ARHGAP44: variants seen among roughly 807,000 people sequenced by gnomAD.
ARHGAP44 encodes Rho GTPase activating protein 44.
ARHGAP44 carries 43 observed loss-of-function variants against 106.8 expected under a neutral mutation model. That is an observed-to-expected ratio of 0.40 (90% CI 0.32 to 0.52). The LOEUF (loss-of-function observed/expected upper bound fraction) is 0.52, where lower values mean the gene tolerates loss of function less well. ARHGAP44 is among the 20% of genes least tolerant of loss of function. ARHGAP44 has a pLI of 0.48. For synonymous variants in ARHGAP44, 439 were observed against 410.3 expected, an observed-to-expected ratio of 1.07 and a Z score of -0.85; for missense variants, 866 against 1,050.5, an observed-to-expected ratio of 0.82 and a Z score of 2.43.
chr17:12,908,325 T>G (rs1169227386), intron 3 of ARHGAP44, among the ~76,000 whole-genome samples: 2 of 151,648 alleles, frequency 1.3e-5, no homozygotes, highest in African/African-American at 2.4e-5. Flanking sequence ...GCCTCCCAAG[T>G]AGCTGGAATT....
chr17:12,956,056 G>A, intron 14 of ARHGAP44, 76 bp downstream of exon 14: 4 of 1,047,332 alleles, frequency 3.8e-6, no homozygotes, highest in Non-Finnish European at 5.8e-6. Context: ...CAGGACAGCT[G>A]GGGCCTAGCT....
In ARHGAP44 at chr17:12,875,577, G is replaced by A. The variant is rs566784241; in HGVS notation, c.54-19363G>A. On this transcript the variant is annotated intron_variant, in intron 1 of 20. Coordinates refer to ENST00000379672, the MANE Select transcript of ARHGAP44 (RefSeq NM_014859.6). The stretch of plus-strand genomic sequence containing the variant: ...ACTGCACTCCAGCCTGGGCAACAGA[G>A]CAATACTCTATCTCAAAAATAAATA... Among the ~76,000 whole-genome samples, 174 of 151,490 alleles carry A rather than the reference G, an allele frequency of 1.1e-3. 2 individuals carry two copies. The highest frequency in any genetic ancestry group is 3.0e-3 in the African/African-American group (123 of 41,188).
rs892208955 is a variant in ARHGAP44, at chr17:12,991,398, G to C, written c.*1227G>C. ...CCATTCAATCTAAACCAATGTACAG[G>C]TGTACAATGAAAAATTTAAATGCTT... On this transcript the variant is annotated 3_prime_UTR_variant, in exon 21 of 21. Coordinates refer to ENST00000379672, the MANE Select transcript of ARHGAP44 (RefSeq NM_014859.6). The C allele has an allele frequency of 6.3e-6, 1 of 158,378 alleles. No individual in the cohort carries two copies. Among genetic ancestry groups the C allele is most frequent in the African/African-American group, 2.4e-5 (1 of 41,550 alleles). 9.8% of individuals were successfully genotyped at this position (158,378 alleles called of 1,614,324 possible).
At position 12,847,785 on chromosome 17, in the gene ARHGAP44, G is replaced by A. The variant is rs557058741; in HGVS notation, c.54-47155G>A. Among the ~76,000 whole-genome samples the A allele has an allele frequency of 1.6e-4, 24 of 152,224 alleles. No individual in the cohort carries two copies. In the South Asian group the frequency reaches 2.3e-3, roughly 14 times the overall value. On this transcript the variant is annotated intron_variant, in intron 1 of 20. Coordinates refer to ENST00000379672, the MANE Select transcript of ARHGAP44 (RefSeq NM_014859.6). The stretch of plus-strand genomic sequence containing the variant: ...CTCCCAAAGTGCTGGGATTACAGGC[G>A]TGAGCCACCGCGCCCGGCCCATCAC...
At chr17:12,830,142 T>A (rs1307001606) in intron 1 of ARHGAP44, among the ~76,000 whole-genome samples, 1 of 152,208 alleles carries the variant, frequency 6.6e-6, no homozygotes, top group Non-Finnish European at 1.5e-5. Flanking sequence ...GCCTTTTTAG[T>A]AAATATTTAT....
chr17:12,862,259 GA>G (rs373324773), intron 1 of ARHGAP44, among the ~76,000 whole-genome samples: 9 of 152,060 alleles, frequency 5.9e-5, no homozygotes, highest in African/African-American at 2.2e-4. Flanking sequence ...TCAACCTTAA[GA>G]AAAACAGACC....
chr17:12,969,062 C>A (rs925694652), intron 16 of ARHGAP44, among the ~76,000 whole-genome samples: 5 of 152,178 alleles, frequency 3.3e-5, no homozygotes, highest in African/African-American at 1.2e-4. Context: ...AGCCACTGCA[C>A]CTGGCCTCCC....
chr17:12,971,309 T>C (rs772370669), intron 16 of ARHGAP44, among the ~76,000 whole-genome samples: 3 of 151,926 alleles, frequency 2.0e-5, no homozygotes, highest in Non-Finnish European at 2.9e-5. Flanking sequence ...GTTGGGGAAA[T>C]AGAAGGCATC....
At chr17:12,907,119 C>T (rs2037574863) in intron 3 of ARHGAP44, among the ~76,000 whole-genome samples, 1 of 152,006 alleles carries the variant, frequency 6.6e-6, no homozygotes, top group Non-Finnish European at 1.5e-5. Flanking sequence ...GTGTTAACAC[C>T]AGGAGGCTCT....
At chr17:12,846,035 G>A (rs879463849) in intron 1 of ARHGAP44, among the ~76,000 whole-genome samples, 8 of 134,104 alleles carry the variant, frequency 6.0e-5, no homozygotes, top group Non-Finnish European at 1.2e-4. Flanking sequence ...CTTTGACCTT[G>A]TTTTTAAACT....
chr17:12,895,107 GC>G, intron 2 of ARHGAP44, 128 bp downstream of exon 2: 1 of 767,932 alleles, frequency 1.3e-6, no homozygotes, highest in Non-Finnish European at 2.1e-6. Context: ...CTCCAGCCTG[GC>G]GATACAGCGA....
rs72479745 is a variant in ARHGAP44 at position 12,810,116 on chromosome 17, G to T, written c.53+20225G>T. Reference sequence around the variant, plus strand: ...AGTACTAGATGTTGTGGAAGTAAAGGGAAAATACTGGTAGCTCCCATTTAG... The same window carrying T: ...AGTACTAGATGTTGTGGAAGTAAAGTGAAAATACTGGTAGCTCCCATTTAG... On this transcript the variant is annotated intron_variant, in intron 1 of 20. Coordinates refer to ENST00000379672, the MANE Select transcript of ARHGAP44 (RefSeq NM_014859.6). Among the ~76,000 whole-genome samples the T allele has an allele frequency of 4.8e-3, 734 of 152,266 alleles. 31 individuals carry two copies. The East Asian group carries it at 0.087, about 18-fold the overall frequency.
intron 1 of ARHGAP44, among the ~76,000 whole-genome samples, chr17:12,855,171 C>T (rs12452555): frequency 0.49 from 74,877 of 151,766 alleles, 20,980 homozygotes; most frequent in East Asian, 0.62. Flanking sequence ...ATAAACCCTG[C>T]CAGAGGAAGA....
intron 16 of ARHGAP44, among the ~76,000 whole-genome samples, chr17:12,965,904 G>A (rs1248017860): frequency 2.0e-5 from 3 of 152,136 alleles, no homozygotes; most frequent in Non-Finnish European, 4.4e-5. Flanking sequence ...TGTAATCCCA[G>A]CACTATGGGA....
chr17:12,854,859 G>A (rs904412275), intron 1 of ARHGAP44, among the ~76,000 whole-genome samples: 4 of 151,412 alleles, frequency 2.6e-5, no homozygotes, highest in African/African-American at 9.7e-5. Flanking sequence ...TTGGGAGGCC[G>A]AGGCCGCAGA....
chr17:12,829,941 T>G (rs1243258030), intron 1 of ARHGAP44, among the ~76,000 whole-genome samples: 1 of 152,222 alleles, frequency 6.6e-6, no homozygotes, highest in East Asian at 1.9e-4. Flanking sequence ...TTTACTGATG[T>G]ATCTTGGTAC....
chr17:12,924,169 T>C (rs2038167526), intron 6 of ARHGAP44, among the ~76,000 whole-genome samples: 2 of 152,232 alleles, frequency 1.3e-5, no homozygotes, highest in Non-Finnish European at 2.9e-5. Context: ...GGATCTTTAA[T>C]TTCTGCCACA....
chr17:12,949,095 T>C lies in ARHGAP44; in HGVS notation c.862-45T>C, dbSNP rs1178346664. 1.3e-6 allele frequency: 2 copies of C among 1,526,200 alleles called. No individual in the cohort carries two copies. The highest frequency in any genetic ancestry group is 1.2e-5 in the South Asian group (1 of 83,614). The allele number at this position is 1,526,200 out of a possible 1,614,324, so 94.5% of individuals were successfully genotyped here. ...TTGCGGGGTCTCTGCGCTTTGATGT[T>C]GTACCTTGGAGTTGCTGTGCGCTGA... On this transcript the variant is annotated intron_variant, in intron 10 of 20. Transcript: ENST00000379672. The surrounding 1 kb of genome is among the most constrained non-coding windows in gnomAD (Gnocchi z 4.1).
At chr17:12,825,134 T>C (rs1035576812) in intron 1 of ARHGAP44, among the ~76,000 whole-genome samples, 1 of 152,022 alleles carries the variant, frequency 6.6e-6, no homozygotes, top group Non-Finnish European at 1.5e-5. Flanking sequence ...CTCCCTAGGC[T>C]AAAGTGATCC....
Sources: allele counts gnomAD v4.1 joint callset (sites outside exome capture counted in the v4.1 genomes callset), GRCh38; gene constraint gnomAD v4.1.1; non-coding constraint Gnocchi (gnomAD v3.1); transcripts MANE v1.5; gene names NCBI Gene and HGNC (gene_info 2026-07-23, HGNC 2026-07-21).